The following WFDC10B variants were observed in gnomAD, a reference collection of about 807,000 sequenced individuals.
The protein encoded by WFDC10B is WAP four-disulfide core domain 10B.
Under a neutral mutation model 2.7 loss-of-function variants are expected in WFDC10B, and 1 was observed. That is an observed-to-expected ratio of 0.38 (90% CI 0.13 to 1.79). The LOEUF is 1.79. Among genes scored for constraint, WFDC10B ranks in the 40% most tolerant of loss-of-function variants. The pLI, the probability that WFDC10B is intolerant of heterozygous loss-of-function variation, is 0.33. For synonymous variants in WFDC10B, 26 were observed against 32.2 expected, an observed-to-expected ratio of 0.81 and a Z score of 0.65; for missense variants, 71 against 87.8, an observed-to-expected ratio of 0.81 and a Z score of 0.76.
At position 45,685,968 on chromosome 20, in the gene WFDC10B, C is replaced by T. The variant is rs1043428370; in HGVS notation, c.25G>A (p.Val9Ile). Residue 9 changes from valine (V) to isoleucine (I), a missense_variant, in exon 3 of 4, where the codon GTC (valine) becomes ATC (isoleucine). Transcript: ENST00000330523. Reference sequence around the variant, plus strand: ...AGCAGCAGCACACAGAGAACCAGGACAAGCAGCAGAGTCTGGGGTGCCATA... The same window carrying T: ...AGCAGCAGCACACAGAGAACCAGGATAAGCAGCAGAGTCTGGGGTGCCATA... The part of the protein sequence containing the change: MAPQTLLL[V>I]LVLCVLLLQA... The T allele has an allele frequency of 5.6e-6, 9 of 1,614,016 alleles. No individual in the cohort carries two copies. The highest frequency in any genetic ancestry group is 7.6e-6 in the Non-Finnish European group (9 of 1,180,034).
intron 2 of WFDC10B, among the ~76,000 whole-genome samples, chr20:45,687,267 G>C (rs1285118513): frequency 6.6e-6 from 1 of 152,004 alleles, no homozygotes; most frequent in Non-Finnish European, 1.5e-5. Context: ...TGGGGTGTTT[G>C]GTTTTCTGTT....
intron 2 of WFDC10B, chr20:45,702,090 T>C (rs749964713): frequency 6.2e-7 from 1 of 1,601,250 alleles, no homozygotes; most frequent in Non-Finnish European, 8.5e-7. Context: ...CAGCAACCCT[T>C]GGCCAGAACT....
chr20:45,698,887 G>C (rs1262623962), intron 2 of WFDC10B, among the ~76,000 whole-genome samples: 1 of 150,160 alleles, frequency 6.7e-6, no homozygotes, highest in Non-Finnish European at 1.5e-5. Flanking sequence ...AGAATCGCTT[G>C]AACCCAGGAG....
intron 2 of WFDC10B, among the ~76,000 whole-genome samples, chr20:45,699,469 G>A (rs946769759): frequency 2.0e-5 from 3 of 152,154 alleles, no homozygotes; most frequent in African/African-American, 7.2e-5. Flanking sequence ...TGAAGTACTG[G>A]TGCATGCTAC....
chr20:45,695,939 T>C (rs1983961705), intron 2 of WFDC10B, among the ~76,000 whole-genome samples: 1 of 151,724 alleles, frequency 6.6e-6, no homozygotes. Flanking sequence ...ACTTATGAGA[T>C]GCAGTAAAAG....
At chr20:45,697,742 C>CT (rs1162470530) in intron 2 of WFDC10B, among the ~76,000 whole-genome samples, 5,793 of 113,414 alleles carry the variant, frequency 0.051, 239 homozygotes, top group African/African-American at 0.1. Flanking sequence ...ATTTCTTTTT[C>CT]TTTTTTTTTT....
intron 2 of WFDC10B, among the ~76,000 whole-genome samples, chr20:45,687,304 G>A (rs180685687): frequency 6.6e-6 from 1 of 152,268 alleles, no homozygotes; most frequent in Non-Finnish European, 1.5e-5. Flanking sequence ...GAGGATAACG[G>A]CTTGTAGTTC....
At chr20:45,692,569 G>A (rs896098556) in intron 2 of WFDC10B, among the ~76,000 whole-genome samples, 13 of 152,014 alleles carry the variant, frequency 8.6e-5, no homozygotes, top group Middle Eastern at 3.4e-3. Context: ...TTCCCTTCTC[G>A]CTTCATTTCA....
intron 2 of WFDC10B, among the ~76,000 whole-genome samples, chr20:45,702,855 C>T (rs1984223270): frequency 1.3e-5 from 2 of 152,188 alleles, no homozygotes. Context: ...GGGAAAAGAA[C>T]TGTTATTCAT....
intron 2 of WFDC10B, among the ~76,000 whole-genome samples, chr20:45,693,766 AC>A (rs1411779376): frequency 1.3e-5 from 2 of 151,924 alleles, no homozygotes; most frequent in Non-Finnish European, 2.9e-5. Flanking sequence ...GAACTCCCTG[AC>A]CCCTTGCGCT....
chr20:45,685,069 A>G, intron 3 of WFDC10B, 109 bp from the exon 4 acceptor site: 1 of 1,369,172 alleles, frequency 7.3e-7, no homozygotes, highest in African/African-American at 1.5e-5. Flanking sequence ...TGCCACCACG[A>G]CTCTCCTGGA....
rs1247879200 is a variant in WFDC10B at position 45,685,986 on chromosome 20, G to A, written c.7C>T (p.Pro3Ser). 3 of 1,613,968 alleles carry A rather than the reference G, an allele frequency of 1.9e-6. No individual in the cohort carries two copies. The highest frequency in any genetic ancestry group is 1.7e-5 in the Admixed American group (1 of 59,968). ...ACCAGGACAAGCAGCAGAGTCTGGG[G>A]TGCCATAACTCTGACCAGAGCGTGA... MA[P>S]QTLLLVLVLC... Residue 3 changes from proline to serine, a missense_variant, in exon 3 of 4, where the codon CCC becomes TCC. Pro to Ser is a moderately conservative substitution (Grantham distance 74). Coordinates refer to ENST00000330523, the MANE Select transcript of WFDC10B (RefSeq NM_172006.2).
chr20:45,700,246 G>A (rs1248641391), intron 2 of WFDC10B, among the ~76,000 whole-genome samples: 2 of 152,214 alleles, frequency 1.3e-5, no homozygotes, highest in East Asian at 3.9e-4. Context: ...AGGTGCAAAT[G>A]GGTATATTCG....
intron 2 of WFDC10B, among the ~76,000 whole-genome samples, chr20:45,703,918 C>G (rs1984280633): frequency 6.6e-6 from 1 of 152,198 alleles, no homozygotes; most frequent in Admixed American, 6.5e-5. Flanking sequence ...TGGGTCCCAG[C>G]TCTCTGATCC....
intron 2 of WFDC10B, among the ~76,000 whole-genome samples, chr20:45,694,194 GA>G (rs1983913742): frequency 6.6e-6 from 1 of 152,176 alleles, no homozygotes; most frequent in Non-Finnish European, 1.5e-5. Context: ...ATTTTGTCAT[GA>G]AATCTTTGCC....
At chr20:45,702,086 C>T (rs1463903669) in intron 2 of WFDC10B, 1 of 1,596,042 alleles carries the variant, frequency 6.3e-7, no homozygotes, top group Admixed American at 1.7e-5. Flanking sequence ...AACCCAGCAA[C>T]CCTTGGCCAG....
At chr20:45,691,065 C>T (rs948480193) in intron 2 of WFDC10B, among the ~76,000 whole-genome samples, 2 of 152,078 alleles carry the variant, frequency 1.3e-5, no homozygotes, top group Non-Finnish European at 1.5e-5. Context: ...CAAAGAACAT[C>T]TTTATTTCTG....
intron 1 of WFDC10B, 91 bp from the exon 2 acceptor site, chr20:45,704,652 A>G (rs1953726076): frequency 1.3e-6 from 2 of 1,591,274 alleles, no homozygotes; most frequent in Non-Finnish European, 1.7e-6. Flanking sequence ...AGCCCAGCAG[A>G]AGAGTCCCTT....
At chr20:45,687,587 A>G (rs1222656284) in intron 2 of WFDC10B, among the ~76,000 whole-genome samples, 1 of 152,136 alleles carries the variant, frequency 6.6e-6, no homozygotes, top group African/African-American at 2.4e-5. Context: ...GAATCATCAC[A>G]TTGTCTTCCA....
Sources: gnomAD v4.1 joint callset for allele counts (sites outside exome capture counted in the v4.1 genomes callset) on GRCh38, gnomAD v4.1.1 for gene constraint, MANE v1.5 for transcripts, NCBI Gene and HGNC (gene_info 2026-07-23, HGNC 2026-07-21) for gene names.